Variants in PGPEP1 observed in about 807,000 individuals in gnomAD.
The protein encoded by PGPEP1 is pyroglutamyl-peptidase I.
Under a neutral mutation model 24.1 loss-of-function variants are expected in PGPEP1, and 15 were observed. The observed-to-expected ratio is 0.62, with a 90% CI of 0.42 to 0.96. The LOEUF is 0.96. Ranked by LOEUF, PGPEP1 falls within the 40% of genes least tolerant of loss-of-function variation. The pLI is 0.00. For synonymous variants in PGPEP1, 122 were observed against 116.4 expected (o/e 1.05, Z -0.31); for missense variants, 242 against 273.4 (o/e 0.89, Z 0.81).
chr19:18,341,101 G>A lies in PGPEP1; in HGVS notation c.34+386G>A, dbSNP rs114738717. On this transcript the variant is annotated intron_variant, in intron 1 of 4. Transcript: ENST00000269919. ...CCGAGGTCCAGCCTGTCCCCACACC[G>A]CTCCCCCAACCCCTGGCCCCAGGGG... 3.9e-3 allele frequency among the ~76,000 whole-genome samples: 599 copies of A among 152,114 alleles called. 5 individuals carry two copies. The highest frequency in any genetic ancestry group is 0.014 in the African/African-American group (579 of 41,492).
rs570031594 is a variant in PGPEP1, at chr19:18,357,277, C to T, written c.205-106C>T. 119 of 750,534 alleles carry T rather than the reference C, an allele frequency of 1.6e-4. 4 individuals are homozygous for T. In the South Asian group the frequency reaches 2.0e-3, roughly 13 times the overall value. The allele number at this position is 750,534 out of a possible 1,614,324, so 46.5% of individuals were successfully genotyped here. On this transcript the variant is annotated intron_variant, in intron 3 of 4. Transcript: ENST00000269919. ...CAGCAAGAGGTCAGAAACAACACAA[C>T]CCCAGGCAGAGCTCATTAAGGATGC...
intron 2 of PGPEP1, among the ~76,000 whole-genome samples, chr19:18,345,428 T>C (rs368324855): frequency 1.3e-5 from 2 of 151,640 alleles, no homozygotes; most frequent in African/African-American, 4.8e-5. Context: ...TTAACATATA[T>C]ACACCCAGAA....
At chr19:18,349,951 C>A (rs1970973117) in intron 2 of PGPEP1, among the ~76,000 whole-genome samples, 1 of 152,100 alleles carries the variant, frequency 6.6e-6, no homozygotes, top group South Asian at 2.1e-4. Context: ...TGACCTCAAA[C>A]TCCTGGCCTC....
rs1011931978 is a variant in PGPEP1 at position 18,367,119 on chromosome 19, G to A, written c.*3536G>A. On this transcript the variant is annotated 3_prime_UTR_variant, in exon 5 of 5. Coordinates refer to ENST00000269919, the MANE Select transcript of PGPEP1 (RefSeq NM_017712.4). Reference sequence around the variant, plus strand: ...CCCAGTGAGCCATGATCACACCACTGTAGTCCAGCCCGGGTGACACAGCAA... The same window carrying A: ...CCCAGTGAGCCATGATCACACCACTATAGTCCAGCCCGGGTGACACAGCAA... The A allele has an allele frequency of 3.5e-5, 5 of 142,070 alleles. No homozygotes were observed. Among genetic ancestry groups the A allele is most frequent in the Admixed American group, 2.3e-4 (3 of 13,292 alleles). The allele number at this position is 142,070 out of a possible 1,614,324, so 8.8% of individuals were successfully genotyped here.
At position 18,367,004 on chromosome 19, in the gene PGPEP1, G is replaced by A. The variant is rs11881403; in HGVS notation, c.*3421G>A. ...ATCCCATATCTACCAAAACATACAA[G>A]AATTAGCCAGATGTGGTGGTGCATG... On this transcript the variant is annotated 3_prime_UTR_variant, in exon 5 of 5. Coordinates refer to ENST00000269919, the MANE Select transcript of PGPEP1 (RefSeq NM_017712.4). 0.53 allele frequency: 79,528 copies of A among 151,136 alleles called. 21,047 individuals are homozygous for A. Among genetic ancestry groups the A allele is most frequent in the East Asian group, 0.65 (3,296 of 5,046 alleles). 9.4% of individuals were successfully genotyped at this position (151,136 alleles called of 1,614,324 possible). A position where few individuals can be genotyped will look rare whatever the true frequency, so the allele number is the denominator to read the frequency against.
In PGPEP1 at chr19:18,367,606, AAAG is replaced by A. The variant is rs1478206725; in HGVS notation, c.*4026_*4028del. On this transcript the variant is annotated 3_prime_UTR_variant, in exon 5 of 5. Coordinates refer to ENST00000269919, the MANE Select transcript of PGPEP1 (RefSeq NM_017712.4). The stretch of plus-strand genomic sequence containing the variant: ...CATGCGTGTGGGGATGTAGCTCAAA[AAAG>A]AAATAAGATGGAGTGGAAAGGAAAG... 6.6e-6 allele frequency: 1 copy of A among 151,774 alleles called. No homozygotes were observed. The highest frequency in any genetic ancestry group is 1.5e-5 in the Non-Finnish European group (1 of 67,800). The allele number at this position is 151,774 out of a possible 1,614,324, so 9.4% of individuals were successfully genotyped here.
intron 2 of PGPEP1, among the ~76,000 whole-genome samples, chr19:18,351,083 C>G (rs1568312122): frequency 6.6e-6 from 1 of 152,022 alleles, no homozygotes; most frequent in Admixed American, 6.6e-5. Context: ...ACCATCCTGG[C>G]CAACATGGTG....
At chr19:18,349,171 T>A in intron 2 of PGPEP1, 1 of 890,840 alleles carries the variant, frequency 1.1e-6, no homozygotes. Context: ...TGTTTTTTTG[T>A]TTGTTTGTTG....
chr19:18,342,836 T>C, intron 1 of PGPEP1, 23 bp from the exon 2 acceptor site: 2 of 1,604,338 alleles, frequency 1.2e-6, no homozygotes, highest in Admixed American at 1.7e-5. Flanking sequence ...TTGGGTAATA[T>C]ATTGCTTTTC....
In PGPEP1 at chr19:18,363,618, G is replaced by T; in HGVS notation, c.*35G>T. ...AGGTCTCCTAAGACCTCATCCTGCTGGGGACCCCACGAGGGGACATCCACC... is the reference window on the plus strand; with the variant it reads ...AGGTCTCCTAAGACCTCATCCTGCTTGGGACCCCACGAGGGGACATCCACC... On this transcript the variant is annotated 3_prime_UTR_variant, in exon 5 of 5. Coordinates refer to ENST00000269919, the MANE Select transcript of PGPEP1 (RefSeq NM_017712.4). The T allele has an allele frequency of 6.4e-7, 1 of 1,555,694 alleles. No individual in the cohort carries two copies. The highest frequency in any genetic ancestry group is 1.1e-5 in the South Asian group (1 of 87,294).
intron 3 of PGPEP1, among the ~76,000 whole-genome samples, chr19:18,357,103 C>T (rs147842195): frequency 1.3e-5 from 2 of 152,220 alleles, no homozygotes; most frequent in African/African-American, 2.4e-5. Flanking sequence ...ATTTATTGAA[C>T]TAACTCCGCT....
chr19:18,358,364 G>T (rs1397850588), intron 4 of PGPEP1, among the ~76,000 whole-genome samples: 1 of 145,310 alleles, frequency 6.9e-6, no homozygotes, highest in African/African-American at 2.6e-5. Flanking sequence ...GGGTTCAAGC[G>T]GTTCTCCTGC....
At chr19:18,348,963 A>G (rs1365630120) in intron 2 of PGPEP1, 2 of 214,020 alleles carry the variant, frequency 9.3e-6, no homozygotes, top group African/African-American at 4.7e-5. Context: ...GGATCTCACT[A>G]TATTGCCCTG....
chr19:18,343,673 C>G (rs907221786), intron 2 of PGPEP1, among the ~76,000 whole-genome samples: 1 of 143,808 alleles, frequency 7.0e-6, no homozygotes, highest in Admixed American at 7.1e-5. Context: ...ACTCTAGGAT[C>G]TCCCTCTTTT....
intron 4 of PGPEP1, among the ~76,000 whole-genome samples, chr19:18,361,238 A>G (rs889585909): frequency 4.6e-5 from 7 of 151,758 alleles, no homozygotes; most frequent in African/African-American, 1.7e-4. Context: ...CCCAGGTTCA[A>G]GTGATTCTCC....
At chr19:18,349,090 C>T (rs1970943418) in intron 2 of PGPEP1, 1 of 983,982 alleles carries the variant, frequency 1.0e-6, no homozygotes, top group Non-Finnish European at 1.2e-6. Context: ...CAAACACACA[C>T]ATGAACACCT....
At chr19:18,346,655 T>TTTG (rs1555709988) in intron 2 of PGPEP1, among the ~76,000 whole-genome samples, 31 of 139,214 alleles carry the variant, frequency 2.2e-4, no homozygotes, top group African/African-American at 8.0e-4. Flanking sequence ...TTTTTTTTTT[T>TTTG]TTGAGACAGA....
rs889942722 is a variant in PGPEP1, at chr19:18,363,942, G to A, written c.*359G>A. On this transcript the variant is annotated 3_prime_UTR_variant, in exon 5 of 5. Transcript: ENST00000269919. Reference sequence around the variant, plus strand: ...TGTTCACCTGCTTTCCTGTCCGTTGGTGAAGGAATTTCAGAATTCATTTTA... The same window carrying A: ...TGTTCACCTGCTTTCCTGTCCGTTGATGAAGGAATTTCAGAATTCATTTTA... The A allele has an allele frequency of 2.5e-5, 5 of 197,450 alleles. No individual in the cohort carries two copies. The highest frequency in any genetic ancestry group is 5.2e-5 in the Non-Finnish European group (5 of 95,942). The allele number at this position is 197,450 out of a possible 1,614,324, so 12.2% of individuals were successfully genotyped here. A position where few individuals can be genotyped will look rare whatever the true frequency, so the allele number is the denominator to read the frequency against.
At chr19:18,350,324 C>T (rs1332249464) in intron 2 of PGPEP1, among the ~76,000 whole-genome samples, 2 of 152,162 alleles carry the variant, frequency 1.3e-5, no homozygotes, top group Non-Finnish European at 2.9e-5. Flanking sequence ...TGCACCCGGC[C>T]TGTTGATTTG....
Sources: allele counts gnomAD v4.1 joint callset (sites outside exome capture counted in the v4.1 genomes callset), GRCh38; gene constraint gnomAD v4.1.1; transcripts MANE v1.5; gene names NCBI Gene and HGNC (gene_info 2026-07-23, HGNC 2026-07-21).